The following MYOM2 variants were observed in gnomAD, a reference collection of about 807,000 sequenced individuals.
MYOM2 encodes myomesin-2.
MYOM2 carries 254 observed loss-of-function variants against 187.6 expected under a neutral mutation model. The ratio of observed to expected loss-of-function variants is 1.35; its 90% confidence interval spans 1.22 to 1.50. MYOM2 has a LOEUF of 1.50. Ranked by LOEUF, MYOM2 falls within the 40% of genes most tolerant of loss-of-function variation. The pLI, the probability that MYOM2 is intolerant of heterozygous loss-of-function variation, is 0.00. For synonymous variants in MYOM2, 981 were observed against 753.8 expected (o/e 1.30, Z -4.94); for missense variants, 2,796 against 1,924.0 (o/e 1.45, Z -8.48).
chr8:2,069,129 A>G (rs1426548591), intron 6 of MYOM2, 149 bp from the exon 7 acceptor site: 1 of 699,228 alleles, frequency 1.4e-6, no homozygotes, highest in Non-Finnish European at 2.3e-6. Flanking sequence ...CTTTCCAAGG[A>G]CAGAGCTGGC....
intron 13 of MYOM2, 152 bp from the exon 14 acceptor site, chr8:2,085,111 C>A: frequency 1.2e-6 from 1 of 855,506 alleles, no homozygotes; most frequent in Non-Finnish European, 1.8e-6. Flanking sequence ...CCTCTGGTTC[C>A]AAGGAAGCAT....
At position 2,129,008 on chromosome 8, in the gene MYOM2, A is replaced by C. The variant is rs2280901; in HGVS notation, c.3695-119A>C. 4.6e-3 allele frequency: 2,929 copies of C among 632,320 alleles called. 43 individuals are homozygous for C. Among genetic ancestry groups the C allele is most frequent in the East Asian group, 0.035 (1,294 of 36,748 alleles). The allele number at this position is 632,320 out of a possible 1,614,324, so 39.2% of individuals were successfully genotyped here. ...ATTTGTGGCTGGCCGACTTTATGAG[A>C]GACACAAGTGAGAACAGGATTGCAG... On this transcript the variant is annotated intron_variant, in intron 31 of 36. Transcript: ENST00000262113.
intron 14 of MYOM2, among the ~76,000 whole-genome samples, chr8:2,087,808 A>G (rs1192039176): frequency 2.6e-5 from 4 of 151,988 alleles, no homozygotes; most frequent in Non-Finnish European, 2.9e-5. Context: ...TTTTATAGAG[A>G]CGAGGTCTCG....
intron 19 of MYOM2, 66 bp from the exon 20 acceptor site, chr8:2,100,810 G>C (rs1796680623): frequency 1.3e-6 from 2 of 1,551,086 alleles, no homozygotes; most frequent in Admixed American, 3.5e-5. Context: ...CCCCGGGGCT[G>C]GGTTGGGCGG....
At chr8:2,068,957 G>A (rs17684236) in intron 6 of MYOM2, among the ~76,000 whole-genome samples, 57,204 of 152,084 alleles carry the variant, frequency 0.38, 11,655 homozygotes, top group Middle Eastern at 0.5. Flanking sequence ...TTCCATAGAG[G>A]TAGAAAAAAT....
In MYOM2 at chr8:2,092,331, G is replaced by T; in HGVS notation, c.1829-15G>T. The T allele has an allele frequency of 1.2e-6, 2 of 1,612,542 alleles. No homozygotes were observed. Among genetic ancestry groups the T allele is most frequent in the Non-Finnish European group, 8.5e-7 (1 of 1,179,300 alleles). ...CTGATGCCATTTCACCACTCCTTTT[G>T]TCTCCTACGAAAAGTTGTCCCTTCT... On this transcript the variant is annotated splice_polypyrimidine_tract_variant and intron_variant, in intron 15 of 36. Transcript: ENST00000262113.
intron 10 of MYOM2, among the ~76,000 whole-genome samples, chr8:2,075,522 G>A (rs1441843176): frequency 6.6e-6 from 1 of 152,184 alleles, no homozygotes; most frequent in Non-Finnish European, 1.5e-5. Flanking sequence ...CTAAGCATGC[G>A]TCACAGGGCA....
At chr8:2,086,239 T>TCA (rs1796038266) in intron 14 of MYOM2, among the ~76,000 whole-genome samples, 1 of 90,672 alleles carries the variant, frequency 1.1e-5, no homozygotes, top group Non-Finnish European at 2.6e-5. Flanking sequence ...CCCCCCACTG[T>TCA]TGTGATCTTT....
At chr8:2,094,922 C>T in intron 17 of MYOM2, among the ~76,000 whole-genome samples, 1 of 152,118 alleles carries the variant, frequency 6.6e-6, no homozygotes, top group East Asian at 1.9e-4. Context: ...AGCCTCGTGG[C>T]TTTCTGTTTT....
chr8:2,094,417 G>C (rs1044368514), intron 17 of MYOM2, among the ~76,000 whole-genome samples: 1 of 152,214 alleles, frequency 6.6e-6, no homozygotes, highest in African/African-American at 2.4e-5. Context: ...ACTTTTGGAG[G>C]CCAAGGTGGC....
intron 32 of MYOM2, among the ~76,000 whole-genome samples, chr8:2,140,068 C>T (rs924433159): frequency 2.0e-5 from 3 of 152,118 alleles, no homozygotes; most frequent in Admixed American, 6.5e-5. Flanking sequence ...CCCTCAGTCC[C>T]CATTCCCCTC....
In MYOM2 at chr8:2,076,029, C is replaced by T. The variant is rs1270792513; in HGVS notation, c.1121-112C>T. On this transcript the variant is annotated intron_variant, in intron 10 of 36. Coordinates refer to ENST00000262113, the MANE Select transcript of MYOM2 (RefSeq NM_003970.4). ...TAGTACTTTGAACATGAGAATTAAA[C>T]AGTGGTCAAATCAAGGGGATAGAAT... The T allele has an allele frequency of 4.0e-6, 4 of 1,000,498 alleles. No individual in the cohort carries two copies. In the East Asian group the frequency reaches 1.1e-4, roughly 28 times the overall value. 62.0% of individuals were successfully genotyped at this position (1,000,498 alleles called of 1,614,324 possible).
Position 2,123,249 on chromosome 8 carries a change from C to A in MYOM2, c.3454-3C>A. 3.1e-6 allele frequency: 5 copies of A among 1,599,382 alleles called. No individual in the cohort carries two copies. The highest frequency in any genetic ancestry group is 3.4e-6 in the Non-Finnish European group (4 of 1,169,580). Reference sequence around the variant, plus strand: ...CACTAAACTTAAGCTTTCTACCTCACAGGTTGCAAACACCAAGAAAGAAAC... The same window carrying A: ...CACTAAACTTAAGCTTTCTACCTCAAAGGTTGCAAACACCAAGAAAGAAAC... On this transcript the variant is annotated splice_region_variant and splice_polypyrimidine_tract_variant and intron_variant, in intron 28 of 36. Transcript: ENST00000262113.
rs186844138 is a variant in MYOM2, at chr8:2,128,607, C to G, written c.3695-520C>G. Among the ~76,000 whole-genome samples the G allele has an allele frequency of 2.5e-3, 386 of 152,278 alleles. 2 individuals carry two copies. The highest frequency in any genetic ancestry group is 9.1e-3 in the African/African-American group (379 of 41,554). ...ATTCCAAGTACACTGTGTGTGTTCTCGTTTATTGCATTTTCTTATTGCCCC... is the reference window on the plus strand; with the variant it reads ...ATTCCAAGTACACTGTGTGTGTTCTGGTTTATTGCATTTTCTTATTGCCCC... On this transcript the variant is annotated intron_variant, in intron 31 of 36. Transcript: ENST00000262113.
chr8:2,134,630 C>G lies in MYOM2; in HGVS notation c.3800+5398C>G, dbSNP rs1585970690. 2.0e-5 allele frequency among the ~76,000 whole-genome samples: 3 copies of G among 152,226 alleles called. No homozygotes were observed. The South Asian group carries it at 6.2e-4, about 32-fold the overall frequency. ...CTGCTGGGAGGCGCTGGCCTCTCCT[C>G]TGTGCATCTCCTCATTCAGCTGCTT... is the stretch of plus-strand genomic sequence containing the variant. On this transcript the variant is annotated intron_variant, in intron 32 of 36. Coordinates refer to ENST00000262113, the MANE Select transcript of MYOM2 (RefSeq NM_003970.4).
At chr8:2,101,479 G>T (rs34383165) in intron 20 of MYOM2, among the ~76,000 whole-genome samples, 1 of 152,338 alleles carries the variant, frequency 6.6e-6, no homozygotes, top group Admixed American at 6.5e-5. Context: ...ACCGAGCCCC[G>T]AGGTGAACCT....
chr8:2,126,686 C>T (rs1323753817), intron 31 of MYOM2, among the ~76,000 whole-genome samples: 1 of 135,056 alleles, frequency 7.4e-6, no homozygotes, highest in African/African-American at 2.9e-5. Flanking sequence ...TGGGGGAGCA[C>T]TGAGGGAGGC....
intron 10 of MYOM2, among the ~76,000 whole-genome samples, chr8:2,074,787 C>T (rs1164590367): frequency 6.6e-6 from 1 of 152,200 alleles, no homozygotes; most frequent in Non-Finnish European, 1.5e-5. Context: ...GTCTGTTTCA[C>T]TCCCCTCCTG....
intron 32 of MYOM2, among the ~76,000 whole-genome samples, chr8:2,133,642 G>C (rs1216826821): frequency 1.3e-5 from 2 of 152,144 alleles, no homozygotes; most frequent in Admixed American, 6.5e-5. Flanking sequence ...TGTATATTTA[G>C]TAGAGATGGG....
Sources: gnomAD v4.1 joint callset for allele counts (sites outside exome capture counted in the v4.1 genomes callset) on GRCh38, gnomAD v4.1.1 for gene constraint, MANE v1.5 for transcripts, NCBI Gene and HGNC (gene_info 2026-07-23, HGNC 2026-07-21) for gene names.